HPD: variants seen among roughly 807,000 people sequenced by gnomAD.
The protein encoded by HPD is 4-hydroxyphenylpyruvic acid oxidase.
Under a neutral mutation model 56.9 loss-of-function variants are expected in HPD, and 35 were observed. The ratio of observed to expected loss-of-function variants is 0.62; its 90% CI spans 0.47 to 0.82. The LOEUF (loss-of-function observed/expected upper bound fraction) is 0.82. Ranked by LOEUF, HPD falls within the 40% of genes least tolerant of loss-of-function variation. The probability of loss-of-function intolerance (pLI) is 0.00; values close to 1 mark genes in which losing one functional copy is unlikely to be tolerated. For missense variants in HPD, 442 were observed against 506.8 expected, an observed-to-expected ratio of 0.87 and a Z score of 1.23; for synonymous variants, 186 against 200.2, an observed-to-expected ratio of 0.93 and a Z score of 0.60.
Position 121,849,829 on chromosome 12 carries a change from C to T in HPD, c.415-39G>A. The T allele has an allele frequency of 2.9e-6, 4 of 1,359,686 alleles. No homozygotes were observed. The South Asian group carries it at 3.5e-5, about 12-fold the overall frequency. The allele number at this position is 1,359,686 out of a possible 1,614,324, so 84.2% of individuals were successfully genotyped here. On this transcript the variant is annotated intron_variant, in intron 7 of 13. Transcript: ENST00000289004. ...ACAGCCTGGCTCGGCCCCTGGGCAC[C>T]CATCCCCGCCGAGGACAGAGCACAT...
At chr12:121,855,322 G>A (rs947460164) in intron 6 of HPD, among the ~76,000 whole-genome samples, 5 of 152,150 alleles carry the variant, frequency 3.3e-5, no homozygotes, top group South Asian at 2.1e-4. Context: ...GAAGTCACAC[G>A]GCTAAGATTC....
upstream of HPD, among the ~76,000 whole-genome samples, chr12:121,865,329 GCA>G (rs1368980748): frequency 2.0e-5 from 3 of 151,716 alleles, no homozygotes; most frequent in African/African-American, 7.2e-5. Flanking sequence ...GAGTGCACTG[GCA>G]TGATCTCAGC....
At chr12:121,843,274 G>C (rs1035770175) in intron 12 of HPD, among the ~76,000 whole-genome samples, 1 of 152,118 alleles carries the variant, frequency 6.6e-6, no homozygotes, top group African/African-American at 2.4e-5. Context: ...CTAGGTCATC[G>C]CTCAAAAACA....
At chr12:121,849,205 G>A (rs1304500685) in intron 8 of HPD, 129 bp from the exon 9 acceptor site, 5 of 651,108 alleles carry the variant, frequency 7.7e-6, no homozygotes, top group South Asian at 3.4e-5. Flanking sequence ...TAGAGATGGA[G>A]TCTCTACAAA....
chr12:121,877,688 G>C, the HPD span, among the ~76,000 whole-genome samples: 1 of 152,056 alleles, frequency 6.6e-6, no homozygotes, highest in South Asian at 2.1e-4. Flanking sequence ...AGCTGAGATC[G>C]TGCCACTGCG....
chr12:121,876,152 T>C, the HPD span, among the ~76,000 whole-genome samples: 3 of 151,758 alleles, frequency 2.0e-5, no homozygotes, highest in African/African-American at 7.3e-5. Context: ...CTCTACTAAA[T>C]ATACAAAAAT....
At chr12:121,875,677 C>T in the HPD span, among the ~76,000 whole-genome samples, 2 of 152,086 alleles carry the variant, frequency 1.3e-5, no homozygotes, top group African/African-American at 2.4e-5. Context: ...CTGCCCACTT[C>T]GGCGTCCCAA....
At chr12:121,857,712 C>G in intron 3 of HPD, 45 bp downstream of exon 3, 1 of 1,538,402 alleles carries the variant, frequency 6.5e-7, no homozygotes, top group Non-Finnish European at 9.0e-7. Flanking sequence ...AGGCAGCCCT[C>G]TGCCCTGCCG....
chr12:121,878,779 T>C, the HPD span, among the ~76,000 whole-genome samples: 2 of 151,484 alleles, frequency 1.3e-5, no homozygotes, highest in South Asian at 2.1e-4. Flanking sequence ...GCTCAAGTGA[T>C]CCTCCCACCT....
intron 2 of HPD, 58 bp from the exon 3 acceptor site, chr12:121,857,877 G>A (rs919469202): frequency 3.5e-5 from 49 of 1,382,286 alleles, no homozygotes; most frequent in East Asian, 1.1e-4. Context: ...AGAAAAGTGC[G>A]GGTGGAGTGA....
intron 11 of HPD, among the ~76,000 whole-genome samples, chr12:121,844,610 G>A (rs144241592): frequency 0.34 from 51,876 of 151,324 alleles, 10,515 homozygotes; most frequent in East Asian, 0.5. Flanking sequence ...AAGGCCGGGC[G>A]AGGTGGCTCA....
the HPD span, among the ~76,000 whole-genome samples, chr12:121,871,393 CA>C: frequency 6.6e-6 from 1 of 151,792 alleles, no homozygotes; most frequent in African/African-American, 2.4e-5. Context: ...CATCTAAAAG[CA>C]GTCAAATAGC....
intron 2 of HPD, among the ~76,000 whole-genome samples, chr12:121,858,443 C>T (rs1878083469): frequency 6.6e-6 from 1 of 152,048 alleles, no homozygotes; most frequent in Non-Finnish European, 1.5e-5. Flanking sequence ...CTTGGCCTCC[C>T]AAAGCACTGG....
intron 11 of HPD, among the ~76,000 whole-genome samples, chr12:121,844,830 G>A (rs1202750361): frequency 6.6e-6 from 1 of 151,462 alleles, no homozygotes; most frequent in Non-Finnish European, 1.5e-5. Flanking sequence ...GCAGTGAGCC[G>A]AGATCGCGTC....
At chr12:121,863,808 G>A (rs1368820913), upstream of HPD, among the ~76,000 whole-genome samples, 2 of 151,874 alleles carry the variant, frequency 1.3e-5, no homozygotes, top group African/African-American at 4.8e-5. Context: ...AAAGAAAAGG[G>A]TGGAGAGTTA....
chr12:121,884,952 G>A, the HPD span, among the ~76,000 whole-genome samples: 1 of 151,754 alleles, frequency 6.6e-6, no homozygotes, highest in Non-Finnish European at 1.5e-5. Flanking sequence ...GCAGTGGCAC[G>A]ATCTCGGCTC....
chr12:121,848,901 C>T, intron 9 of HPD, 98 bp downstream of exon 9: 7 of 930,544 alleles, frequency 7.5e-6, no homozygotes, highest in Non-Finnish European at 1.3e-5. Flanking sequence ...CCACTGCACC[C>T]AGTCGTATTT....
At chr12:121,840,463 G>C (rs954731054) in intron 12 of HPD, among the ~76,000 whole-genome samples, 2 of 152,070 alleles carry the variant, frequency 1.3e-5, no homozygotes, top group Non-Finnish European at 2.9e-5. Flanking sequence ...ACCATGCCCG[G>C]CTAATTTTTG....
At chr12:121,863,218 A>G (rs1592926521), upstream of HPD, among the ~76,000 whole-genome samples, 1 of 147,720 alleles carries the variant, frequency 6.8e-6, no homozygotes, top group Non-Finnish European at 1.5e-5. Context: ...TCTTGGCCTC[A>G]GGTGATCTTC....
Sources: gnomAD v4.1 joint callset for allele counts (sites outside exome capture counted in the v4.1 genomes callset) on GRCh38, gnomAD v4.1.1 for gene constraint, MANE v1.5 for transcripts, NCBI Gene and HGNC (gene_info 2026-07-23, HGNC 2026-07-21) for gene names.